The following CARMIL3 variants were observed in gnomAD, a reference collection of about 807,000 sequenced individuals.
CARMIL3 encodes the protein capping protein regulator and myosin 1 linker 3.
In CARMIL3, 88 loss-of-function variants were observed where a neutral mutation model predicts 180.8. The observed-to-expected ratio is 0.49, with a 90% CI of 0.41 to 0.58. CARMIL3 has a LOEUF of 0.58. CARMIL3 is among the 20% of genes least tolerant of loss of function. The pLI is 0.00. For missense variants in CARMIL3, 1,548 were observed against 1,787.0 expected, an observed-to-expected ratio of 0.87 and a Z score of 2.41; for synonymous variants, 696 against 714.5, an observed-to-expected ratio of 0.97 and a Z score of 0.41.
At chr14:24,066,301 T>G in intron 34 of CARMIL3, 97 bp from the exon 35 acceptor site, 1 of 1,410,482 alleles carries the variant, frequency 7.1e-7, no homozygotes, top group Non-Finnish European at 9.8e-7. Flanking sequence ...ACTAATGACA[T>G]GAGAATGACA....
Position 24,062,639 on chromosome 14 carries a change from A to C in CARMIL3, c.2569-70A>C, listed in dbSNP as rs1594552311. On this transcript the variant is annotated intron_variant, in intron 28 of 39. Transcript: ENST00000342740. Reference sequence around the variant, plus strand: ...CCCACATTATCCTGTCTCCCTAATCACCCTCCCCTTCAAGGCCCTGGGAGG... The same window carrying C: ...CCCACATTATCCTGTCTCCCTAATCCCCCTCCCCTTCAAGGCCCTGGGAGG... 9 of 1,611,322 alleles carry C rather than the reference A, an allele frequency of 5.6e-6. No individual in the cohort carries two copies. The East Asian group carries it at 1.8e-4, about 32-fold the overall frequency.
At chr14:24,065,533 T>C in intron 33 of CARMIL3, 89 bp from the exon 34 acceptor site, 1 of 1,512,734 alleles carries the variant, frequency 6.6e-7, no homozygotes, top group Non-Finnish European at 8.9e-7. Flanking sequence ...AGGGACTCAG[T>C]GAGGCAGGGG....
chr14:24,065,466 C>T lies in CARMIL3; in HGVS notation c.3397-156C>T, dbSNP rs962872971. Reference sequence around the variant, plus strand: ...AAGAGCATGCTGGGAGTGCTATATGCGAATGCAGGCGTTGGAAGGACTCTT... The same window carrying T: ...AAGAGCATGCTGGGAGTGCTATATGTGAATGCAGGCGTTGGAAGGACTCTT... On this transcript the variant is annotated intron_variant, in intron 33 of 39. Transcript: ENST00000342740. 3.2e-5 allele frequency: 37 copies of T among 1,166,476 alleles called. No homozygotes were observed. The African/African-American group carries it at 3.9e-4, about 12-fold the overall frequency. 72.3% of individuals were successfully genotyped at this position (1,166,476 alleles called of 1,614,324 possible). A position where few individuals can be genotyped will look rare whatever the true frequency, so the allele number is the denominator to read the frequency against.
intron 36 of CARMIL3, among the ~76,000 whole-genome samples, chr14:24,067,114 G>C (rs1405710375): frequency 6.6e-6 from 1 of 152,224 alleles, no homozygotes; most frequent in Admixed American, 6.5e-5. Context: ...CACGCAGAAA[G>C]GTGCCCCAAA....
rs2035735880 is a variant in CARMIL3 at position 24,061,734 on chromosome 14, A to T, written c.2480+62A>T. 1 of 1,519,718 alleles carries T rather than the reference A, an allele frequency of 6.6e-7. No homozygotes were observed. The highest frequency in any genetic ancestry group is 9.0e-7 in the Non-Finnish European group (1 of 1,114,088). 94.1% of individuals were successfully genotyped at this position (1,519,718 alleles called of 1,614,324 possible). ...TTTGGCCCAGATCACTTAGGGACTT[A>T]GGACTGGAGAGCTATCAGCAATGAA... On this transcript the variant is annotated intron_variant, in intron 27 of 39. Transcript: ENST00000342740. This position sits in a 1 kb window ranked among gnomAD's most constrained non-coding sequence, Gnocchi z 4.1.
In CARMIL3 at chr14:24,054,367, C is replaced by T; in HGVS notation, c.247-29C>T. On this transcript the variant is annotated intron_variant, in intron 4 of 39. Transcript: ENST00000342740. The surrounding 1 kb of genome is among the most constrained non-coding windows in gnomAD (Gnocchi z 5.1). ...GAGGAGGGAGCAGAGAGGAGGGAGT[C>T]TGAGGCTCTGACGCTTCGTCTCCCC... 4 of 1,613,780 alleles carry T rather than the reference C, an allele frequency of 2.5e-6. No homozygotes were observed. The highest frequency in any genetic ancestry group is 3.4e-6 in the Non-Finnish European group (4 of 1,179,698).
Position 24,068,888 on chromosome 14 carries a change from G to A in CARMIL3, c.3904G>A (p.Gly1302Arg), listed in dbSNP as rs755189841. Reference sequence around the variant, plus strand: ...AGGGGTCAGGGAGGAGGCTGAGGCTGGAGATGCAGCTCCAGGAGTCAACAA... The same window carrying A: ...AGGGGTCAGGGAGGAGGCTGAGGCTAGAGATGCAGCTCCAGGAGTCAACAA... ...EPGVREEAEA[G>R]DAAPGVNKPR... The change falls in exon 38 of 40, where the codon GGA becomes AGA. Residue 1302 changes from glycine to arginine, a missense_variant. This residue lies in a region of CARMIL3 where 668 missense variants were observed against 687.8 expected (regional missense o/e 0.97). Coordinates refer to ENST00000342740, the MANE Select transcript of CARMIL3 (RefSeq NM_138360.4). 3 of 1,608,148 alleles carry A rather than the reference G, an allele frequency of 1.9e-6. No individual in the cohort carries two copies. Among genetic ancestry groups the A allele is most frequent in the Admixed American group, 1.7e-5 (1 of 59,210 alleles).
In CARMIL3 at chr14:24,053,882, G is replaced by A; in HGVS notation, c.135+79G>A. On this transcript the variant is annotated intron_variant, in intron 2 of 39. Transcript: ENST00000342740. The stretch of plus-strand genomic sequence containing the variant: ...CCAGTAGAGGGCAGGGAGCCGGGAG[G>A]ACAGAAGAGACAGAAGTGGGTGGAC... 5 of 1,283,128 alleles carry A rather than the reference G, an allele frequency of 3.9e-6. No homozygotes were observed. The South Asian group carries it at 4.2e-5, about 11-fold the overall frequency. The allele number at this position is 1,283,128 out of a possible 1,614,324, so 79.5% of individuals were successfully genotyped here.
At chr14:24,057,116 G>A (rs191830925) in intron 13 of CARMIL3, 51 bp from the exon 14 acceptor site, 33 of 1,601,144 alleles carry the variant, frequency 2.1e-5, no homozygotes, top group African/African-American at 2.7e-5. Flanking sequence ...TCTGGGGGTG[G>A]CGAGACTCCA....
intron 1 of CARMIL3, 85 bp downstream of exon 1, chr14:24,052,278 C>A: frequency 7.3e-7 from 1 of 1,362,480 alleles, no homozygotes; most frequent in Non-Finnish European, 9.9e-7. Context: ...CATCCCAGCC[C>A]GGTGTCTCAC....
At chr14:24,063,578 C>T (rs1594552992) in intron 31 of CARMIL3, 45 bp downstream of exon 31, 1 of 1,544,214 alleles carries the variant, frequency 6.5e-7, no homozygotes, top group Non-Finnish European at 8.7e-7. Context: ...CACTCAGTGA[C>T]ACCAGAGCCA....
Position 24,057,317 on chromosome 14 carries a change from CT to C in CARMIL3, c.1140+74del. ...CCACAGTGGGCCTCGGTCTCACCCC[CT>C]ATCCCTGAGTACACAGGCGGGCAGA... On this transcript the variant is annotated intron_variant, in intron 14 of 39. Coordinates refer to ENST00000342740, the MANE Select transcript of CARMIL3 (RefSeq NM_138360.4). The C allele has an allele frequency of 5.0e-6, 7 of 1,394,576 alleles. No homozygotes were observed. In the South Asian group the frequency reaches 8.5e-5, roughly 17 times the overall value. The allele number at this position is 1,394,576 out of a possible 1,614,324, so 86.4% of individuals were successfully genotyped here.
At chr14:24,062,215 C>T (rs2035739574) in intron 27 of CARMIL3, 1 of 560,616 alleles carries the variant, frequency 1.8e-6, no homozygotes, top group Non-Finnish European at 3.2e-6. Context: ...GGGGCCTGAC[C>T]TAGGGCCCCC....
In CARMIL3 at chr14:24,054,255, T is replaced by C; in HGVS notation, c.200T>C (p.Phe67Ser). 6.2e-7 allele frequency: 1 copy of C among 1,614,110 alleles called. No individual in the cohort carries two copies. The highest frequency in any genetic ancestry group is 1.1e-5 in the South Asian group (1 of 91,086). The change falls in exon 4 of 40, where the codon TTC (phenylalanine) becomes TCC (serine). Residue 67 changes from phenylalanine (F) to serine (S), a missense_variant. Phe to Ser is a radical substitution (Grantham distance 155). Around this residue, in one of 4 missense-constraint regions of CARMIL3, gnomAD observed 578 missense variants for 666.5 expected, o/e 0.87. Transcript: ENST00000342740. The surrounding 1 kb of genome is among the most constrained non-coding windows in gnomAD (Gnocchi z 5.1). The part of the protein sequence containing the change: ...LKVPAKVESS[F>S]NVLEIRAFNT... ...CATCCCTCCTAGGTGGAGAGCTCCT[T>C]CAATGTCCTGGAGATCCGTGCCTTC...
At chr14:24,064,416 A>G (rs1566542606) in intron 32 of CARMIL3, 70 bp downstream of exon 32, 10 of 1,165,398 alleles carry the variant, frequency 8.6e-6, no homozygotes, top group Admixed American at 2.0e-5. Flanking sequence ...GTGTCCTCCC[A>G]GCTCCCATGG....
intron 38 of CARMIL3, 80 bp from the exon 39 acceptor site, chr14:24,069,057 C>T: frequency 1.9e-6 from 3 of 1,594,130 alleles, no homozygotes; most frequent in Non-Finnish European, 2.6e-6. Flanking sequence ...GAATGAGTGA[C>T]AACCAGGAGT....
At position 24,064,332 on chromosome 14, in the gene CARMIL3, G is replaced by A. The variant is rs1181213456; in HGVS notation, c.3066G>A (p.Leu1022=). ...AGGACTTCTTCAGCCGAAGGGTCCT[G>A]GAGGAAAGTTCTAGGTGTGATGCCT... The part of the protein sequence containing the change: ...GLEDFFSRRV[L]EESSSYPRTL... The change falls in exon 32 of 40, where the codon CTG becomes CTA. Residue 1022 remains leucine (L), a synonymous_variant. Coordinates refer to ENST00000342740, the MANE Select transcript of CARMIL3 (RefSeq NM_138360.4). 1.9e-6 allele frequency: 3 copies of A among 1,609,796 alleles called. No individual in the cohort carries two copies. Among genetic ancestry groups the A allele is most frequent in the Admixed American group, 1.7e-5 (1 of 59,654 alleles).
chr14:24,064,863 G>A, intron 32 of CARMIL3, 95 bp from the exon 33 acceptor site: 1 of 1,296,356 alleles, frequency 7.7e-7, no homozygotes, highest in Non-Finnish European at 1.1e-6. Flanking sequence ...CTGCAGTGCA[G>A]CAGGGGAGAC....
Position 24,054,342 on chromosome 14 carries a change from G to C in CARMIL3, c.246+41G>C. On this transcript the variant is annotated intron_variant, in intron 4 of 39. Transcript: ENST00000342740. The surrounding 1 kb of genome is among the most constrained non-coding windows in gnomAD (Gnocchi z 5.1). ...TTGGGCCCCACTACTGGGCCAGCTGGAGGAGGGAGCAGAGAGGAGGGAGTC... is the reference window on the plus strand; with the variant it reads ...TTGGGCCCCACTACTGGGCCAGCTGCAGGAGGGAGCAGAGAGGAGGGAGTC... 6.2e-7 allele frequency: 1 copy of C among 1,614,024 alleles called. No homozygotes were observed. The highest frequency in any genetic ancestry group is 1.1e-5 in the South Asian group (1 of 91,074).
Sources: allele counts gnomAD v4.1 joint callset (sites outside exome capture counted in the v4.1 genomes callset), GRCh38; gene constraint gnomAD v4.1.1; regional missense constraint gnomAD v4.1.1; non-coding constraint Gnocchi (gnomAD v3.1); transcripts MANE v1.5; gene names NCBI Gene and HGNC (gene_info 2026-07-23, HGNC 2026-07-21).